The following NDUFA13 variants were observed in gnomAD, a reference collection of about 807,000 sequenced individuals.
The protein encoded by NDUFA13 is NADH:ubiquinone oxidoreductase subunit A13, also known as NADH dehydrogenase [ubiquinone] 1 alpha subcomplex subunit 13.
Under a neutral mutation model 17.0 loss-of-function variants are expected in NDUFA13, and 16 were observed. That is an observed-to-expected ratio of 0.94 (90% CI 0.64 to 1.43). The LOEUF (loss-of-function observed/expected upper bound fraction) is 1.43. NDUFA13 is among the 40% of genes most tolerant of loss of function. The pLI, the probability that NDUFA13 is intolerant of heterozygous loss-of-function variation, is 0.00. For synonymous variants in NDUFA13, 87 were observed against 78.4 expected (o/e 1.11, Z -0.58); for missense variants, 228 against 206.7 (o/e 1.10, Z -0.63).
chr19:19,521,465 G>C (rs959657363), intron 1 of NDUFA13, among the ~76,000 whole-genome samples: 1 of 152,242 alleles, frequency 6.6e-6, no homozygotes. Context: ...CTGTCCTCCC[G>C]CCTCAGCCTC....
At chr19:19,517,543 C>A (rs2061055703) in intron 1 of NDUFA13, among the ~76,000 whole-genome samples, 1 of 152,130 alleles carries the variant, frequency 6.6e-6, no homozygotes, top group African/African-American at 2.4e-5. Flanking sequence ...TCAAACTTTA[C>A]ATTTAAATTA....
chr19:19,527,769 A>G lies in NDUFA13; in HGVS notation c.314A>G (p.Lys105Arg). The change falls in exon 4 of 5, where the codon AAG becomes AGG. Residue 105 changes from lysine to arginine, a missense_variant and splice_region_variant. Coordinates refer to ENST00000507754, the MANE Select transcript of NDUFA13 (RefSeq NM_015965.7). ...AIIMKDVPDW[K>R]VGESVFHTTR... ...ATCATGAAGGACGTGCCCGACTGGA[A>G]GGTGGGTCCCGGCTGGGAGGGCAGA... 6.4e-7 allele frequency: 1 copy of G among 1,552,580 alleles called. No individual in the cohort carries two copies.
chr19:19,526,175 T>C lies in NDUFA13; in HGVS notation c.95-7T>C. 6.2e-7 allele frequency: 1 copy of C among 1,613,720 alleles called. No individual in the cohort carries two copies. The highest frequency in any genetic ancestry group is 8.5e-7 in the Non-Finnish European group (1 of 1,179,930). The stretch of plus-strand genomic sequence containing the variant: ...GCTGGCCCGCTGAGCAGCGCCTCTC[T>C]TCACAGGCTACAGCATGCTGGCCAT... On this transcript the variant is annotated splice_polypyrimidine_tract_variant and splice_region_variant and intron_variant, in intron 1 of 4. Transcript: ENST00000507754.
At chr19:19,519,765 G>GT (rs2061067622) in intron 1 of NDUFA13, among the ~76,000 whole-genome samples, 1 of 151,686 alleles carries the variant, frequency 6.6e-6, no homozygotes, top group Non-Finnish European at 1.5e-5. Context: ...CACAGGCCCT[G>GT]CCTCCTCTCC....
At chr19:19,526,029 C>T in intron 1 of NDUFA13, 153 bp from the exon 2 acceptor site, 1 of 1,511,474 alleles carries the variant, frequency 6.6e-7, no homozygotes, top group Non-Finnish European at 8.8e-7. Context: ...TTTCAGAAAA[C>T]CCCTGGCATG....
intron 1 of NDUFA13, among the ~76,000 whole-genome samples, chr19:19,525,372 GCA>G (rs942594550): frequency 2.0e-5 from 3 of 152,348 alleles, no homozygotes; most frequent in Middle Eastern, 3.4e-3. Context: ...GGCCCGGCAG[GCA>G]CAGAGTAGCC....
chr19:19,526,390 C>T (rs944894310), intron 2 of NDUFA13, 130 bp downstream of exon 2: 1 of 980,064 alleles, frequency 1.0e-6, no homozygotes, highest in East Asian at 2.6e-5. Flanking sequence ...CAATCCCAGG[C>T]CCCAGAAAGT....
chr19:19,526,126 G>C, intron 1 of NDUFA13, 56 bp from the exon 2 acceptor site: 1 of 1,600,900 alleles, frequency 6.2e-7, no homozygotes, highest in Non-Finnish European at 8.5e-7. Context: ...GCCTGGAGCT[G>C]TGGAGGAGGG....
chr19:19,519,639 A>G (rs142948456), intron 1 of NDUFA13, among the ~76,000 whole-genome samples: 1 of 152,230 alleles, frequency 6.6e-6, no homozygotes, highest in Admixed American at 6.5e-5. Context: ...GATACAACAC[A>G]TCATGCCAGG....
At chr19:19,525,353 G>T (rs1282330382) in intron 1 of NDUFA13, among the ~76,000 whole-genome samples, 1 of 152,270 alleles carries the variant, frequency 6.6e-6, no homozygotes, top group African/African-American at 2.4e-5. Flanking sequence ...CATGACAGGT[G>T]CAGAGCAGGG....
intron 1 of NDUFA13, among the ~76,000 whole-genome samples, chr19:19,519,971 C>CTTTTTTT (rs397963977): frequency 8.3e-6 from 1 of 120,270 alleles, no homozygotes; most frequent in East Asian, 2.4e-4. Flanking sequence ...TTTTTGTTCT[C>CTTTTTTT]TTTTTTTTTT....
chr19:19,516,237 G>T lies in NDUFA13; in HGVS notation c.-2G>T, dbSNP rs45631653. Reference sequence around the variant, plus strand: ...GGACCGGAAGTGTGGGATACTGCGAGTATGGCGGCGTCAAAGGTGAAGCAG... The same window carrying T: ...GGACCGGAAGTGTGGGATACTGCGATTATGGCGGCGTCAAAGGTGAAGCAG... On this transcript the variant is annotated 5_prime_UTR_variant, in exon 1 of 5. Transcript: ENST00000507754. 2.5e-5 allele frequency: 40 copies of T among 1,614,036 alleles called. No homozygotes were observed. Among genetic ancestry groups the T allele is most frequent in the Admixed American group, 1.0e-4 (6 of 60,010 alleles).
chr19:19,527,876 G>T (rs2061111645), intron 4 of NDUFA13, 106 bp downstream of exon 4: 2 of 1,470,880 alleles, frequency 1.4e-6, no homozygotes, highest in Admixed American at 3.9e-5. Context: ...CAAGGGGGTG[G>T]TGGGTGCCAG....
In NDUFA13 at chr19:19,516,281, G is replaced by T; in HGVS notation, c.43G>T (p.Gly15Cys). ...GAAGCAGGACATGCCTCCGCCGGGG[G>T]GCTATGGGCCCATCGACTACAAACG... Reference protein sequence around the residue: ...KVKQDMPPPGGYGPIDYKRNL... With the variant: ...KVKQDMPPPGCYGPIDYKRNL... Residue 15 changes from glycine to cysteine, a missense_variant, in exon 1 of 5, where the codon GGC (glycine) becomes TGC (cysteine). Transcript: ENST00000507754. The T allele has an allele frequency of 2.5e-6, 4 of 1,613,968 alleles. No homozygotes were observed. Among genetic ancestry groups the T allele is most frequent in the Non-Finnish European group, 2.5e-6 (3 of 1,180,036 alleles).
In NDUFA13 at chr19:19,526,199, A is replaced by T; in HGVS notation, c.112A>T (p.Ile38Leu). 1 of 1,614,106 alleles carries T rather than the reference A, an allele frequency of 6.2e-7. No homozygotes were observed. Among genetic ancestry groups the T allele is most frequent in the Non-Finnish European group, 8.5e-7 (1 of 1,179,998 alleles). The change falls in exon 2 of 5, where the codon ATA becomes TTA. Residue 38 changes from isoleucine (I) to leucine (L), a missense_variant. By Grantham distance (5) the Ile-to-Leu change is conservative. Coordinates refer to ENST00000507754, the MANE Select transcript of NDUFA13 (RefSeq NM_015965.7). ...CTTCACAGGCTACAGCATGCTGGCC[A>T]TAGGGATTGGAACCCTGATCTACGG... ...RGLSGYSMLA[I>L]GIGTLIYGHW... is the part of the protein sequence containing the mutation.
intron 1 of NDUFA13, among the ~76,000 whole-genome samples, chr19:19,525,150 C>T (rs1401549120): frequency 6.6e-6 from 1 of 152,224 alleles, no homozygotes; most frequent in Non-Finnish European, 1.5e-5. Context: ...CTGGGCCTCT[C>T]CAGAGATGTG....
At chr19:19,527,932 T>C (rs2061112340) in intron 4 of NDUFA13, 75 bp from the exon 5 acceptor site, 18 of 1,572,706 alleles carry the variant, frequency 1.1e-5, no homozygotes, top group Non-Finnish European at 1.4e-5. Context: ...CAGGGGCCAC[T>C]GATCCTGGGG....
At chr19:19,517,888 G>A (rs1173585258) in intron 1 of NDUFA13, among the ~76,000 whole-genome samples, 1 of 152,168 alleles carries the variant, frequency 6.6e-6, no homozygotes, top group East Asian at 1.9e-4. Flanking sequence ...AAAAGGGACA[G>A]ATGACAAGTA....
intron 1 of NDUFA13, among the ~76,000 whole-genome samples, chr19:19,516,792 ATTTTT>A (rs939243345): frequency 2.0e-5 from 3 of 148,040 alleles, no homozygotes; most frequent in Non-Finnish European, 4.5e-5. Context: ...TAAATTTTCA[ATTTTT>A]TTTTTTTGAG....
Sources: allele counts gnomAD v4.1 joint callset (sites outside exome capture counted in the v4.1 genomes callset), GRCh38; gene constraint gnomAD v4.1.1; transcripts MANE v1.5; gene names NCBI Gene and HGNC (gene_info 2026-07-23, HGNC 2026-07-21).